COL22A1: variants seen among roughly 807,000 people sequenced by gnomAD.
The protein encoded by COL22A1 is collagen alpha-1(XXII) chain.
COL22A1 carries 221 observed loss-of-function variants against 248.9 expected under a neutral mutation model. The observed-to-expected ratio is 0.89, with a 90% CI of 0.80 to 0.99. The LOEUF (loss-of-function observed/expected upper bound fraction) is 0.99. Ranked by LOEUF, COL22A1 falls within the 50% of genes least tolerant of loss-of-function variation. The pLI, the probability that COL22A1 is intolerant of heterozygous loss-of-function variation, is 0.00. For missense variants in COL22A1, 2,240 were observed against 2,179.0 expected, an observed-to-expected ratio of 1.03 and a Z score of -0.56; for synonymous variants, 891 against 793.4, an observed-to-expected ratio of 1.12 and a Z score of -2.07.
At chr8:138,618,292 T>C (rs1233638410) in intron 53 of COL22A1, among the ~76,000 whole-genome samples, 1 of 152,206 alleles carries the variant, frequency 6.6e-6, no homozygotes, top group Non-Finnish European at 1.5e-5. Flanking sequence ...ACCCACTCCA[T>C]TCTACAAAGC....
At chr8:138,596,854 T>G (rs1817575552) in intron 62 of COL22A1, 50 bp downstream of exon 62, 1 of 1,547,118 alleles carries the variant, frequency 6.5e-7, no homozygotes, top group Admixed American at 1.7e-5. Flanking sequence ...GTGAGAGAAC[T>G]GCTTCCTGGG....
intron 10 of COL22A1, among the ~76,000 whole-genome samples, chr8:138,804,414 T>C (rs979304259): frequency 2.0e-5 from 3 of 152,194 alleles, no homozygotes; most frequent in African/African-American, 7.2e-5. Flanking sequence ...TCTGCTCTCC[T>C]TGTGGGGCCC....
intron 5 of COL22A1, among the ~76,000 whole-genome samples, chr8:138,830,133 G>T (rs574606324): frequency 7.4e-4 from 113 of 152,352 alleles, no homozygotes; most frequent in African/African-American, 2.7e-3. Flanking sequence ...TGAGATGGCA[G>T]TGGAAGGGTA....
chr8:138,696,893 C>A (rs1198955656), intron 32 of COL22A1, among the ~76,000 whole-genome samples: 2 of 152,204 alleles, frequency 1.3e-5, no homozygotes, highest in African/African-American at 4.8e-5. Context: ...TAGAAAACTA[C>A]CCATGGTGGG....
At chr8:138,887,464 C>T (rs549753605) in intron 1 of COL22A1, among the ~76,000 whole-genome samples, 7 of 152,222 alleles carry the variant, frequency 4.6e-5, no homozygotes, top group Admixed American at 1.3e-4. Flanking sequence ...GTGATCCACC[C>T]GCCTCGGCCT....
At chr8:138,885,385 T>C (rs1445223896) in intron 1 of COL22A1, among the ~76,000 whole-genome samples, 2 of 152,080 alleles carry the variant, frequency 1.3e-5, no homozygotes, top group African/African-American at 4.8e-5. Context: ...GGAGCAGGCA[T>C]TGGACACCCC....
chr8:138,713,088 C>T (rs78522569), intron 30 of COL22A1, among the ~76,000 whole-genome samples: 6,732 of 152,282 alleles, frequency 0.044, 153 homozygotes, highest in African/African-American at 0.076. Flanking sequence ...TCTGGACTCA[C>T]ACCCACCCTC....
chr8:138,912,957 T>C (rs940203727), intron 1 of COL22A1, among the ~76,000 whole-genome samples: 1 of 152,086 alleles, frequency 6.6e-6, no homozygotes, highest in Non-Finnish European at 1.5e-5. Context: ...ATAACACAGC[T>C]AATTCAAATC....
chr8:138,665,619 C>A (rs577302535), intron 41 of COL22A1, among the ~76,000 whole-genome samples: 1 of 152,304 alleles, frequency 6.6e-6, no homozygotes, highest in South Asian at 2.1e-4. Flanking sequence ...TAGGAGCATA[C>A]AGAGCAGCTA....
At chr8:138,690,697 T>C (rs995046334) in intron 36 of COL22A1, 124 bp downstream of exon 36, 2 of 717,906 alleles carry the variant, frequency 2.8e-6, no homozygotes, top group Non-Finnish European at 4.3e-6. Context: ...AGTGTCTCCG[T>C]CTGGAAAATG....
intron 16 of COL22A1, among the ~76,000 whole-genome samples, chr8:138,772,389 C>T (rs879483264): frequency 1.3e-5 from 2 of 152,140 alleles, no homozygotes; most frequent in Non-Finnish European, 2.9e-5. Flanking sequence ...AAGGTCATCA[C>T]GGTGAAGAGG....
intron 4 of COL22A1, among the ~76,000 whole-genome samples, chr8:138,833,455 C>A (rs1188715819): frequency 2.0e-5 from 3 of 152,206 alleles, no homozygotes; most frequent in African/African-American, 7.2e-5. Context: ...TGTGTGAGGG[C>A]CGCAGGGTCT....
At chr8:138,911,788 T>A (rs1815470889) in intron 1 of COL22A1, among the ~76,000 whole-genome samples, 1 of 152,222 alleles carries the variant, frequency 6.6e-6, no homozygotes, top group Non-Finnish European at 1.5e-5. Flanking sequence ...GATGAAAGTT[T>A]GACCAAACCA....
Position 138,690,825 on chromosome 8 carries a change from C to T in COL22A1, c.2804G>A (p.Ser935Asn), listed in dbSNP as rs1826787284. 2 of 1,609,736 alleles carry T rather than the reference C, an allele frequency of 1.2e-6. No individual in the cohort carries two copies. Residue 935 changes from serine to asparagine, a missense_variant, in exon 36 of 65, where the codon AGT (serine) becomes AAT (asparagine). Transcript: ENST00000303045. ...TGCCCTCTCCCAATTACTCACCACA[C>T]TTCCTGGAGGGCCACTGGGACCGGG... ...GAPGPSGPPGSVGAPGLRGTP... is the reference protein window; with the variant it reads ...GAPGPSGPPGNVGAPGLRGTP...
At chr8:138,604,700 G>A (rs1328523940) in intron 59 of COL22A1, 34 bp downstream of exon 59, 4 of 1,605,458 alleles carry the variant, frequency 2.5e-6, no homozygotes, top group Non-Finnish European at 2.6e-6. Flanking sequence ...GTGGTAAAGG[G>A]TTGCCAAGGG....
chr8:138,888,295 G>A (rs1345407117), intron 1 of COL22A1, among the ~76,000 whole-genome samples: 1 of 152,168 alleles, frequency 6.6e-6, no homozygotes, highest in African/African-American at 2.4e-5. Flanking sequence ...GGTTGTAGGG[G>A]AAGGCACAGA....
At chr8:138,662,111 C>A (rs1387083255) in intron 42 of COL22A1, 28 bp from the exon 43 acceptor site, 1 of 1,602,056 alleles carries the variant, frequency 6.2e-7, no homozygotes, top group South Asian at 1.1e-5. Flanking sequence ...AAGACACTGA[C>A]ACCCTACAAT....
intron 23 of COL22A1, among the ~76,000 whole-genome samples, chr8:138,733,516 T>C (rs544672475): frequency 3.0e-4 from 45 of 152,314 alleles, no homozygotes; most frequent in Non-Finnish European, 5.7e-4. Flanking sequence ...TTATAAAGAA[T>C]AGACACGATT....
At chr8:138,796,316 T>C (rs1383692876) in intron 12 of COL22A1, among the ~76,000 whole-genome samples, 1 of 151,886 alleles carries the variant, frequency 6.6e-6, no homozygotes, top group African/African-American at 2.4e-5. Flanking sequence ...CTGATGTCCT[T>C]TATTTTACCT....
Sources: gnomAD v4.1 joint callset for allele counts (sites outside exome capture counted in the v4.1 genomes callset) on GRCh38, gnomAD v4.1.1 for gene constraint, MANE v1.5 for transcripts, NCBI Gene and HGNC (gene_info 2026-07-23, HGNC 2026-07-21) for gene names.